STIP1: variants seen among roughly 807,000 people sequenced by gnomAD.
The protein encoded by STIP1 is stress-induced-phosphoprotein 1.
Under a neutral mutation model 77.4 loss-of-function variants are expected in STIP1, and 16 were observed. The ratio of observed to expected loss-of-function variants is 0.21; its 90% confidence interval spans 0.14 to 0.31. STIP1 has a LOEUF of 0.31. STIP1 is among the 10% of genes least tolerant of loss of function. The pLI, the probability that STIP1 is intolerant of heterozygous loss-of-function variation, is 1.00. For missense variants in STIP1, 524 were observed against 684.8 expected (o/e 0.77, Z 2.62); for synonymous variants, 258 against 246.6 (o/e 1.05, Z -0.44).
intron 7 of STIP1, 67 bp downstream of exon 7, chr11:64,197,662 C>G: frequency 3.1e-6 from 5 of 1,591,878 alleles, no homozygotes; most frequent in Middle Eastern, 1.7e-4. Context: ...TTAAGTTTCT[C>G]TGCATGGGGA....
rs964776988 is a variant in STIP1 at position 64,194,057 on chromosome 11, C to T, written c.220-132C>T. 3.0e-6 allele frequency: 4 copies of T among 1,314,432 alleles called. No individual in the cohort carries two copies. In the African/African-American group the frequency reaches 5.9e-5, roughly 19 times the overall value. 81.4% of individuals were successfully genotyped at this position (1,314,432 alleles called of 1,614,324 possible). ...CTTGGCCTCGTAGCCTACTCCTCTC[C>T]TTTTTTTCTCTTTGGCCTTCATGTG... On this transcript the variant is annotated intron_variant, in intron 2 of 13. Coordinates refer to ENST00000305218, the MANE Select transcript of STIP1 (RefSeq NM_006819.3).
intron 2 of STIP1, chr11:64,193,497 G>A: frequency 1.7e-6 from 1 of 575,498 alleles, no homozygotes; most frequent in African/African-American, 1.9e-5. Context: ...GAAGGAAGAG[G>A]CCAGGGCTGG....
In STIP1 at chr11:64,194,619, A is replaced by T. The variant is rs200548547; in HGVS notation, c.502A>T (p.Thr168Ser). 1.3e-4 allele frequency: 206 copies of T among 1,612,384 alleles called. No homozygotes were observed. The highest frequency in any genetic ancestry group is 1.5e-4 in the Non-Finnish European group (182 of 1,178,982). Residue 168 changes from threonine to serine, a missense_variant and splice_region_variant, in exon 4 of 14, where the codon ACG becomes TCG. Physicochemically the swap from Thr to Ser is moderately conservative, Grantham distance 58. Coordinates refer to ENST00000305218, the MANE Select transcript of STIP1 (RefSeq NM_006819.3). The part of the protein sequence containing the change: ...QLRNKPSDLG[T>S]KLQDPRIMTT... ...ACGAAACAAGCCTTCTGACCTGGGC[A>T]CGTAAGTGGACGCCGCTCACTGAGG...
rs561518125 is a variant in STIP1, at chr11:64,203,990, G to T, written c.1560-64G>T. On this transcript the variant is annotated intron_variant, in intron 13 of 13. Transcript: ENST00000305218. ...TGTAGAGGGGGTTGAATTGGGGCTT[G>T]CTCTGAGAGCAAGTAAGACTTTAAA... 7.9e-5 allele frequency: 126 copies of T among 1,587,958 alleles called. No homozygotes were observed. The South Asian group carries it at 1.3e-3, about 17-fold the overall frequency.
At chr11:64,203,738 C>A in intron 13 of STIP1, 116 bp downstream of exon 13, 6 of 1,376,334 alleles carry the variant, frequency 4.4e-6, no homozygotes, top group South Asian at 2.6e-5. Context: ...TTCTGTCATT[C>A]TTCCTAAACT....
chr11:64,198,090 A>T (rs905431104), intron 8 of STIP1, 116 bp downstream of exon 8: 31 of 1,382,614 alleles, frequency 2.2e-5, no homozygotes, highest in Non-Finnish European at 2.8e-5. Context: ...ATAGGGTCTC[A>T]CTCTTTCACC....
intron 10 of STIP1, chr11:64,202,667 A>C: frequency 1.7e-6 from 1 of 598,482 alleles, no homozygotes; most frequent in Non-Finnish European, 3.0e-6. Context: ...GTCCCCCGCT[A>C]TGTGTTTTTC....
intron 7 of STIP1, 125 bp from the exon 8 acceptor site, chr11:64,197,729 C>A: frequency 6.5e-7 from 1 of 1,547,840 alleles, no homozygotes. Context: ...AAGAAGGTCA[C>A]CAGAGACAAG....
intron 10 of STIP1, 87 bp from the exon 11 acceptor site, chr11:64,202,789 T>TA: frequency 6.8e-7 from 1 of 1,466,080 alleles, no homozygotes; most frequent in Non-Finnish European, 9.6e-7. Flanking sequence ...GGTGAGGCAT[T>TA]AGAGTTGGAA....
chr11:64,204,319 C>T lies in STIP1; in HGVS notation c.*193C>T. 1.7e-6 allele frequency: 1 copy of T among 599,100 alleles called. No homozygotes were observed. 37.1% of individuals were successfully genotyped at this position (599,100 alleles called of 1,614,324 possible). On this transcript the variant is annotated 3_prime_UTR_variant, in exon 14 of 14. Coordinates refer to ENST00000305218, the MANE Select transcript of STIP1 (RefSeq NM_006819.3). ...CGCCGCTGCCTCTGGGCCCTCCCAG[C>T]ACACGCATGGTCTCTTCACCGCTGC...
intron 1 of STIP1, among the ~76,000 whole-genome samples, chr11:64,188,432 G>C (rs1273087080): frequency 6.6e-6 from 1 of 151,934 alleles, no homozygotes; most frequent in Non-Finnish European, 1.5e-5. Context: ...CTGTGGCCCA[G>C]GCTGAAGTGC....
intron 1 of STIP1, among the ~76,000 whole-genome samples, chr11:64,190,015 T>TC (rs1413497811): frequency 6.6e-6 from 1 of 151,794 alleles, no homozygotes; most frequent in East Asian, 1.9e-4. Context: ...TTTTTTTTTT[T>TC]TTCCAAATAG....
At chr11:64,186,926 T>A (rs1181619565) in intron 1 of STIP1, among the ~76,000 whole-genome samples, 1 of 152,160 alleles carries the variant, frequency 6.6e-6, no homozygotes, top group East Asian at 1.9e-4. Context: ...GCAAAAGTCC[T>A]TGGGACGAAT....
chr11:64,186,071 G>T (rs1442364059), upstream of STIP1: 50 of 1,547,616 alleles, frequency 3.2e-5, no homozygotes, highest in Middle Eastern at 3.3e-4. Flanking sequence ...TGGAGATGAT[G>T]GGCTGGACCT....
At chr11:64,202,703 A>C in intron 10 of STIP1, 173 bp from the exon 11 acceptor site, 1 of 678,442 alleles carries the variant, frequency 1.5e-6, no homozygotes, top group Non-Finnish European at 2.6e-6. Flanking sequence ...TGCAGAGTCC[A>C]GGCAGTTTGT....
intron 4 of STIP1, 81 bp downstream of exon 4, chr11:64,194,701 C>T (rs2134793359): frequency 1.3e-6 from 2 of 1,538,664 alleles, no homozygotes; most frequent in South Asian, 2.5e-5. Context: ...CAGAGGGTTC[C>T]CTGGTCTAAA....
intron 2 of STIP1, 109 bp downstream of exon 2, chr11:64,193,396 T>TC: frequency 1.0e-6 from 1 of 955,622 alleles, no homozygotes; most frequent in African/African-American, 1.6e-5. Flanking sequence ...CCTACCCACC[T>TC]CCCTGTTTGA....
chr11:64,197,159 T>A, intron 5 of STIP1, 112 bp from the exon 6 acceptor site: 1 of 1,434,616 alleles, frequency 7.0e-7, no homozygotes, highest in Non-Finnish European at 9.5e-7. Flanking sequence ...CAGGAGAACT[T>A]GATAGAATTC....
intron 2 of STIP1, chr11:64,193,509 C>T (rs1002465966): frequency 2.2e-5 from 12 of 542,038 alleles, no homozygotes; most frequent in African/African-American, 1.5e-4. Context: ...CAGGGCTGGG[C>T]GCGGTGACGC....
Sources: gnomAD v4.1 joint callset for allele counts (sites outside exome capture counted in the v4.1 genomes callset) on GRCh38, gnomAD v4.1.1 for gene constraint, MANE v1.5 for transcripts, NCBI Gene and HGNC (gene_info 2026-07-23, HGNC 2026-07-21) for gene names.